Variants in ATP2B2 observed in about 807,000 individuals in gnomAD.
ATP2B2 encodes plasma membrane calcium-transporting ATPase 2.
A neutral mutation model predicts 120.0 loss-of-function variants in ATP2B2; 15 were observed. That is an observed-to-expected ratio of 0.12 (90% confidence interval 0.08 to 0.19). The LOEUF (loss-of-function observed/expected upper bound fraction) is 0.19, where lower values mean the gene tolerates loss of function less well. ATP2B2 is among the 10% of genes least tolerant of loss of function. The pLI is 1.00. For missense variants in ATP2B2, 1,045 were observed against 1,719.8 expected, an observed-to-expected ratio of 0.61 and a Z score of 6.94; for synonymous variants, 694 against 700.3, an observed-to-expected ratio of 0.99 and a Z score of 0.14.
intron 1 of ATP2B2, among the ~76,000 whole-genome samples, chr3:10,644,833 C>G (rs2070281125): frequency 6.6e-6 from 1 of 152,114 alleles, no homozygotes; most frequent in Admixed American, 6.5e-5. Flanking sequence ...GGTGGCTGCA[C>G]AACAATGTGA....
chr3:10,406,912 T>TG (rs1173666505), intron 3 of ATP2B2, among the ~76,000 whole-genome samples: 1 of 152,212 alleles, frequency 6.6e-6, no homozygotes, highest in African/African-American at 2.4e-5. Context: ...CCCGAGCCCC[T>TG]GCTTTGTCAT....
chr3:10,536,147 G>A (rs566583323), intron 2 of ATP2B2, among the ~76,000 whole-genome samples: 24 of 152,066 alleles, frequency 1.6e-4, no homozygotes, highest in South Asian at 6.2e-4. Context: ...ATCTTTTCAC[G>A]TGCTTATTTG....
intron 1 of ATP2B2, among the ~76,000 whole-genome samples, chr3:10,463,391 C>T (rs189766684): frequency 2.6e-5 from 4 of 152,304 alleles, no homozygotes; most frequent in Non-Finnish European, 4.4e-5. Flanking sequence ...CCTTTCAAAG[C>T]AGAAACTGGC....
chr3:10,605,610 T>A (rs2125598134), intron 2 of ATP2B2, among the ~76,000 whole-genome samples: 1 of 151,626 alleles, frequency 6.6e-6, no homozygotes, highest in African/African-American at 2.4e-5. Context: ...AGGCCAGCAT[T>A]TCGAGACTAG....
At chr3:10,535,032 G>A (rs2067284147) in intron 2 of ATP2B2, among the ~76,000 whole-genome samples, 1 of 150,934 alleles carries the variant, frequency 6.6e-6, no homozygotes, top group South Asian at 2.1e-4. Context: ...GCCTCCCAAG[G>A]GGCCAGGATT....
intron 3 of ATP2B2, among the ~76,000 whole-genome samples, chr3:10,531,003 T>C (rs1359003756): frequency 6.6e-6 from 1 of 152,194 alleles, no homozygotes; most frequent in Non-Finnish European, 1.5e-5. Flanking sequence ...CTTCCCTCAG[T>C]TGGTTTTCCT....
chr3:10,527,082 A>C (rs1255581735), intron 3 of ATP2B2, among the ~76,000 whole-genome samples: 3 of 152,166 alleles, frequency 2.0e-5, no homozygotes, highest in Non-Finnish European at 4.4e-5. Context: ...TTCAAACTCC[A>C]ATCTGTCTGA....
intron 1 of ATP2B2, among the ~76,000 whole-genome samples, chr3:10,499,579 A>G (rs925789985): frequency 6.6e-6 from 1 of 152,210 alleles, no homozygotes; most frequent in Non-Finnish European, 1.5e-5. Flanking sequence ...TGCTGCCCCT[A>G]TTCTCCGGAA....
rs762230982 is a variant in ATP2B2, at chr3:10,340,738, C to T, written c.2918-34G>A. The T allele has an allele frequency of 5.0e-6, 8 of 1,610,798 alleles. No individual in the cohort carries two copies. Among genetic ancestry groups the T allele is most frequent in the Non-Finnish European group, 5.9e-6 (7 of 1,177,298 alleles). ...TGAGAGAGTGGGGCTGGGCTGAAGG[C>T]AGTGGTGGGGGAATCAGAGGGGAGA... On this transcript the variant is annotated intron_variant, in intron 19 of 22. Coordinates refer to ENST00000360273, the MANE Select transcript of ATP2B2 (RefSeq NM_001001331.4). The surrounding 1 kb of genome is among the most constrained non-coding windows in gnomAD (Gnocchi z 5.0).
At chr3:10,525,401 T>A (rs1389695954) in intron 3 of ATP2B2, among the ~76,000 whole-genome samples, 1 of 152,222 alleles carries the variant, frequency 6.6e-6, no homozygotes. Flanking sequence ...TACAAAAAAA[T>A]TCCTAAAGAC....
chr3:10,537,998 G>T (rs972200782), intron 2 of ATP2B2, among the ~76,000 whole-genome samples: 3 of 152,052 alleles, frequency 2.0e-5, no homozygotes, highest in African/African-American at 7.2e-5. Flanking sequence ...AACCCCACTT[G>T]GTCATGATGC....
chr3:10,568,603 G>A (rs2068059429), intron 2 of ATP2B2, among the ~76,000 whole-genome samples: 1 of 152,208 alleles, frequency 6.6e-6, no homozygotes, highest in African/African-American at 2.4e-5. Context: ...GGTTTTCACT[G>A]CTTCAGAAAT....
chr3:10,516,366 G>A (rs558236446), intron 3 of ATP2B2, among the ~76,000 whole-genome samples: 77 of 152,294 alleles, frequency 5.1e-4, no homozygotes, highest in Non-Finnish European at 6.0e-4. Context: ...GGGCAGTGCC[G>A]GACGAGGTGA....
Position 10,525,170 on chromosome 3 carries a change from T to G in ATP2B2, c.-320+8869A>C, listed in dbSNP as rs1472422134. 2.0e-5 allele frequency among the ~76,000 whole-genome samples: 3 copies of G among 152,142 alleles called. No individual in the cohort carries two copies. In the East Asian group the frequency reaches 5.8e-4, roughly 29 times the overall value. ...AGCCAGCTTCCTGCAGAGGTGAGTC[T>G]GCTGTAAGGCACTTACAGATTCAAG... On this transcript the variant is annotated intron_variant, in intron 3 of 21. Transcript: ENST00000646379.
chr3:10,552,190 G>A (rs1033984192), intron 2 of ATP2B2, among the ~76,000 whole-genome samples: 2 of 152,224 alleles, frequency 1.3e-5, no homozygotes, highest in African/African-American at 4.8e-5. Flanking sequence ...TAGCACTGGC[G>A]AGGGGCGTGG....
chr3:10,345,606 G>T (rs1457588961), intron 17 of ATP2B2, 31 bp from the exon 18 acceptor site: 2 of 1,608,282 alleles, frequency 1.2e-6, no homozygotes, highest in Non-Finnish European at 1.7e-6. Context: ...GGCTGGGTGG[G>T]GTGGCCGGGG....
At chr3:10,694,029 A>G (rs758574809) in intron 1 of ATP2B2, among the ~76,000 whole-genome samples, 3 of 152,228 alleles carry the variant, frequency 2.0e-5, no homozygotes, top group African/African-American at 4.8e-5. Context: ...GGAAATGTAC[A>G]GGGAAGACAC....
chr3:10,481,886 C>T (rs1397471127), intron 1 of ATP2B2, among the ~76,000 whole-genome samples: 2 of 152,206 alleles, frequency 1.3e-5, no homozygotes, highest in African/African-American at 4.8e-5. Flanking sequence ...CACTTACACC[C>T]ACTATGATGT....
At chr3:10,655,508 G>C (rs10780001) in intron 1 of ATP2B2, among the ~76,000 whole-genome samples, 70,249 of 127,668 alleles carry the variant, frequency 0.55, 18,748 homozygotes, top group Non-Finnish European at 0.62. Flanking sequence ...CCAGACCCTT[G>C]CTACTCAAAG....
Sources: allele counts gnomAD v4.1 joint callset (sites outside exome capture counted in the v4.1 genomes callset), GRCh38; gene constraint gnomAD v4.1.1; non-coding constraint Gnocchi (gnomAD v3.1); transcripts MANE v1.5; gene names NCBI Gene and HGNC (gene_info 2026-07-23, HGNC 2026-07-21).